The following MAP3K13 variants were observed in gnomAD, a reference collection of about 807,000 sequenced individuals.
The protein encoded by MAP3K13 is leucine zipper-bearing kinase.
A neutral mutation model predicts 104.0 loss-of-function variants in MAP3K13; 52 were observed. The ratio of observed to expected loss-of-function variants is 0.50; its 90% CI spans 0.40 to 0.63. MAP3K13 has a LOEUF of 0.63. MAP3K13 is among the 20% of genes least tolerant of loss of function. MAP3K13 has a pLI of 0.00. For missense variants in MAP3K13, 914 were observed against 1,218.5 expected (o/e 0.75, Z 3.72); for synonymous variants, 394 against 442.2 (o/e 0.89, Z 1.37).
At chr3:185,390,253 A>G (rs111594780) in intron 1 of MAP3K13, among the ~76,000 whole-genome samples, 105 of 152,274 alleles carry the variant, frequency 6.9e-4, no homozygotes, top group African/African-American at 2.3e-3. Context: ...AGTGCTTTAC[A>G]TATTTAATTC....
intron 2 of MAP3K13, among the ~76,000 whole-genome samples, chr3:185,312,629 A>T (rs1317731505): frequency 6.6e-6 from 1 of 152,242 alleles, no homozygotes; most frequent in African/African-American, 2.4e-5. Context: ...TCAAGTAATT[A>T]TATATGAGAT....
At chr3:185,393,185 G>A (rs1372246521) in intron 1 of MAP3K13, among the ~76,000 whole-genome samples, 1 of 15,712 alleles carries the variant, frequency 6.4e-5, no homozygotes, top group African/African-American at 1.8e-4. Flanking sequence ...CTTTTTATAA[G>A]AGAAAAATAA....
chr3:185,447,564 G>A (rs1230424209), intron 4 of MAP3K13, among the ~76,000 whole-genome samples: 1 of 148,002 alleles, frequency 6.8e-6, no homozygotes, highest in South Asian at 2.1e-4. Flanking sequence ...AAGTAGAAGA[G>A]GCAGAATAAG....
At chr3:185,285,618 A>G in exon 2 of MAP3K13, 1 of 1,535,764 alleles carries the variant, frequency 6.5e-7, no homozygotes, top group Non-Finnish European at 8.7e-7. Context: ...GTATTGTGGC[A>G]TTCAAATCCT....
At chr3:185,288,700 A>T (rs559776268) in intron 2 of MAP3K13, among the ~76,000 whole-genome samples, 1 of 152,284 alleles carries the variant, frequency 6.6e-6, no homozygotes, top group African/African-American at 2.4e-5. Context: ...TTTTAAGATT[A>T]TTCACAGAGT....
chr3:185,367,734 C>T (rs547089641), intron 1 of MAP3K13, among the ~76,000 whole-genome samples: 29 of 152,172 alleles, frequency 1.9e-4, no homozygotes, highest in Non-Finnish European at 3.4e-4. Flanking sequence ...TACCTGGGCC[C>T]ACAGACACAT....
chr3:185,289,203 G>A (rs1168440217), intron 2 of MAP3K13, among the ~76,000 whole-genome samples: 1 of 152,156 alleles, frequency 6.6e-6, no homozygotes, highest in Non-Finnish European at 1.5e-5. Context: ...GAAGCAGACT[G>A]TGTTGAGAGG....
intron 2 of MAP3K13, among the ~76,000 whole-genome samples, chr3:185,339,502 G>T (rs182050423): frequency 6.6e-6 from 1 of 152,268 alleles, no homozygotes; most frequent in African/African-American, 2.4e-5. Context: ...AACTCTGGGG[G>T]TATGGTACCA....
chr3:185,415,931 A>G (rs910287260), intron 1 of MAP3K13, among the ~76,000 whole-genome samples: 1 of 152,118 alleles, frequency 6.6e-6, no homozygotes, highest in Non-Finnish European at 1.5e-5. Flanking sequence ...ATATTCTCCC[A>G]AATATTATAG....
chr3:185,318,071 C>G (rs1052892808), intron 2 of MAP3K13, among the ~76,000 whole-genome samples: 2 of 151,654 alleles, frequency 1.3e-5, no homozygotes, highest in African/African-American at 4.8e-5. Flanking sequence ...AGGGAGAGTT[C>G]AAACTGGTTT....
intron 2 of MAP3K13, among the ~76,000 whole-genome samples, chr3:185,326,967 T>G (rs565544522): frequency 3.9e-5 from 6 of 152,344 alleles, no homozygotes; most frequent in Admixed American, 3.9e-4. Flanking sequence ...TTAAAGTACC[T>G]GTATTATTTT....
intron 2 of MAP3K13, among the ~76,000 whole-genome samples, chr3:185,357,329 T>C (rs1723402946): frequency 6.6e-6 from 1 of 150,750 alleles, no homozygotes; most frequent in South Asian, 2.1e-4. Context: ...GCGCCTGTAA[T>C]CTCAGCTACT....
At chr3:185,371,067 AT>A (rs1724136305) in intron 1 of MAP3K13, among the ~76,000 whole-genome samples, 1 of 152,200 alleles carries the variant, frequency 6.6e-6, no homozygotes, top group Non-Finnish European at 1.5e-5. Flanking sequence ...CTGTATGATA[AT>A]TGCTAGCTTT....
At chr3:185,476,055 C>A (rs1718105441) in intron 11 of MAP3K13, among the ~76,000 whole-genome samples, 1 of 152,140 alleles carries the variant, frequency 6.6e-6, no homozygotes, top group Admixed American at 6.5e-5. Flanking sequence ...GTAACTATCA[C>A]CACGACCAAT....
In MAP3K13 at chr3:185,339,088, G is replaced by T. The variant is rs552375311; in HGVS notation, c.-86+53445G>T. On this transcript the variant is annotated intron_variant, in intron 2 of 14. Coordinates refer to the MAP3K13 transcript ENST00000424227. ...TAATCCCAATACTTTGGGAAGCTGA[G>T]GCGGGTGGGTCACCTGAGGTCAAGA... 8.5e-5 allele frequency among the ~76,000 whole-genome samples: 13 copies of T among 152,288 alleles called. No homozygotes were observed. The South Asian group carries it at 2.7e-3, about 32-fold the overall frequency.
Position 185,437,751 on chromosome 3 carries a change from G to C in MAP3K13, c.659+121G>C, listed in dbSNP as rs1408626333. On this transcript the variant is annotated intron_variant, in intron 3 of 13. Transcript: ENST00000265026. ...TTCTCTAGACTTAGCACTGTGCTAG[G>C]TGCTTTGGGAGGGTATCAAGGAACT... 6 of 949,038 alleles carry C rather than the reference G, an allele frequency of 6.3e-6. No individual in the cohort carries two copies. In the East Asian group the frequency reaches 1.6e-4, roughly 25 times the overall value. The allele number at this position is 949,038 out of a possible 1,614,324, so 58.8% of individuals were successfully genotyped here.
At chr3:185,383,615 T>C (rs573424233) in intron 1 of MAP3K13, among the ~76,000 whole-genome samples, 5 of 151,548 alleles carry the variant, frequency 3.3e-5, no homozygotes, top group Admixed American at 6.6e-5. Flanking sequence ...GCTTCCTTTC[T>C]TGCCATGTAA....
chr3:185,453,780 AATT>A (rs1395754828), intron 7 of MAP3K13, among the ~76,000 whole-genome samples: 1 of 139,758 alleles, frequency 7.2e-6, no homozygotes, highest in East Asian at 2.0e-4. Flanking sequence ...AAAAAAAAAA[AATT>A]ATATATATAT....
intron 11 of MAP3K13, chr3:185,476,352 ATT>A: frequency 1.0e-5 from 1 of 99,986 alleles, no homozygotes; most frequent in Non-Finnish European, 2.1e-5. Context: ...TGTCTTTCCT[ATT>A]TTAAAAAAAA....
Sources: gnomAD v4.1 joint callset for allele counts (sites outside exome capture counted in the v4.1 genomes callset) on GRCh38, gnomAD v4.1.1 for gene constraint, MANE v1.5 for transcripts, NCBI Gene and HGNC (gene_info 2026-07-23, HGNC 2026-07-21) for gene names.